The following GLIS1 variants were observed in gnomAD, a reference collection of about 807,000 sequenced individuals.
GLIS1 encodes the protein zinc finger protein GLIS1.
Under a neutral mutation model 63.8 loss-of-function variants are expected in GLIS1, and 24 were observed. The observed-to-expected ratio is 0.38, with a 90% CI of 0.27 to 0.53. The LOEUF (loss-of-function observed/expected upper bound fraction) is 0.53, where lower values mean the gene tolerates loss of function less well. Among genes scored for constraint, GLIS1 ranks in the 20% least tolerant of loss-of-function variants. GLIS1 has a pLI of 0.85. For synonymous variants in GLIS1, 450 were observed against 482.5 expected (o/e 0.93, Z 0.88); for missense variants, 1,036 against 1,074.1 (o/e 0.96, Z 0.50).
At chr1:53,717,506 A>C in intron 2 of GLIS1, among the ~76,000 whole-genome samples, 1 of 152,206 alleles carries the variant, frequency 6.6e-6, no homozygotes, top group Admixed American at 6.5e-5. Flanking sequence ...GGGGGTGCCC[A>C]GCATCTGAAC....
intron 6 of GLIS1, among the ~76,000 whole-genome samples, chr1:53,522,111 T>C (rs1644416339): frequency 6.6e-6 from 1 of 152,240 alleles, no homozygotes; most frequent in African/African-American, 2.4e-5. Context: ...ATTAAGTTTC[T>C]GGCAAAAGAG....
At chr1:53,612,112 G>A (rs180697682) in intron 2 of GLIS1, among the ~76,000 whole-genome samples, 1 of 152,338 alleles carries the variant, frequency 6.6e-6, no homozygotes, top group African/African-American at 2.4e-5. Flanking sequence ...GATTACAGGT[G>A]TAAACCATCA....
At chr1:53,696,145 C>T (rs963276056) in intron 2 of GLIS1, among the ~76,000 whole-genome samples, 40 of 152,256 alleles carry the variant, frequency 2.6e-4, no homozygotes, top group African/African-American at 9.6e-4. Context: ...GAGCTCCAAG[C>T]GGTTAATGCT....
chr1:53,511,392 G>T lies in GLIS1; in HGVS notation c.1884-1365C>A, dbSNP rs567949608. ...GGAAAGCAGATTTGGAGAGAGGCTG[G>T]GGTCTCCGCATCTGTGCTGTGCCAA... is the stretch of plus-strand genomic sequence containing the variant. On this transcript the variant is annotated intron_variant, in intron 8 of 10. Transcript: ENST00000628545. This position sits in a 1 kb window ranked among gnomAD's most constrained non-coding sequence, Gnocchi z 4.2. Among the ~76,000 whole-genome samples the T allele has an allele frequency of 4.6e-5, 7 of 152,270 alleles. No homozygotes were observed. The highest frequency in any genetic ancestry group is 1.0e-4 in the Non-Finnish European group (7 of 68,024).
At chr1:53,558,191 G>A (rs1644851953) in intron 4 of GLIS1, among the ~76,000 whole-genome samples, 1 of 152,210 alleles carries the variant, frequency 6.6e-6, no homozygotes, top group African/African-American at 2.4e-5. Flanking sequence ...ACGCAGGTGG[G>A]GTGGCTGCCA....
intron 2 of GLIS1, among the ~76,000 whole-genome samples, chr1:53,606,903 T>C (rs999452962): frequency 2.6e-5 from 4 of 152,180 alleles, no homozygotes; most frequent in Non-Finnish European, 5.9e-5. Flanking sequence ...CAGTGAAACC[T>C]GAGCAGGCTC....
At chr1:53,527,517 A>T (rs1644483209) in intron 5 of GLIS1, among the ~76,000 whole-genome samples, 1 of 152,174 alleles carries the variant, frequency 6.6e-6, no homozygotes, top group East Asian at 1.9e-4. Context: ...GGCTTTCCTC[A>T]GACCTCCAGG....
intron 4 of GLIS1, among the ~76,000 whole-genome samples, chr1:53,554,443 C>T (rs1162652246): frequency 1.3e-5 from 2 of 152,104 alleles, no homozygotes; most frequent in Non-Finnish European, 2.9e-5. Context: ...GCACAGTGCC[C>T]GGCTATTCAC....
rs111433898 is a variant in GLIS1, at chr1:53,521,553, A to G, written c.1594-787T>C. On this transcript the variant is annotated intron_variant, in intron 6 of 10. Transcript: ENST00000628545. ...CGCCTCACCCCAGGCTGCCATGAGG[A>G]GTAATGACACAGAGTGACGATGGCT... Among the ~76,000 whole-genome samples the G allele has an allele frequency of 5.5e-4, 83 of 152,274 alleles. 2 individuals carry two copies. The highest frequency in any genetic ancestry group is 1.9e-3 in the African/African-American group (77 of 41,548).
intron 2 of GLIS1, among the ~76,000 whole-genome samples, chr1:53,640,259 C>A (rs574734046): frequency 3.3e-5 from 5 of 152,192 alleles, no homozygotes; most frequent in Non-Finnish European, 7.3e-5. Context: ...GGAGGCTCCA[C>A]AAAGCCCCTT....
intron 2 of GLIS1, among the ~76,000 whole-genome samples, chr1:53,677,686 G>A (rs748628840): frequency 3.9e-5 from 6 of 152,244 alleles, no homozygotes; most frequent in East Asian, 3.9e-4. Context: ...GGACCCAGCC[G>A]CGGGCACCCG....
At position 53,511,095 on chromosome 1, in the gene GLIS1, A is replaced by G. The variant is rs564214860; in HGVS notation, c.1884-1068T>C. On this transcript the variant is annotated intron_variant, in intron 8 of 10. Transcript: ENST00000628545. This position sits in a 1 kb window ranked among gnomAD's most constrained non-coding sequence, Gnocchi z 4.2. ...TCACAGGGGCTAAAATGACTTTGGG[A>G]TCAATGGCTTGGGGGCTCTGGGGAC... Among the ~76,000 whole-genome samples the G allele has an allele frequency of 4.8e-4, 73 of 152,286 alleles. No individual in the cohort carries two copies. The highest frequency in any genetic ancestry group is 1.7e-3 in the African/African-American group (72 of 41,560).
rs566662942 is a variant in GLIS1, at chr1:53,682,620, G to T, written c.259+55186C>A. On this transcript the variant is annotated intron_variant, in intron 2 of 10. Coordinates refer to ENST00000628545, the MANE Select transcript of GLIS1 (RefSeq NM_001367484.1). ...TCCTGTCTGAACTGATTCTTCAGGG[G>T]CAATAACGCAGAGCCAAGGGGCAGG... Among the ~76,000 whole-genome samples, 8 of 152,358 alleles carry T rather than the reference G, an allele frequency of 5.3e-5. No individual in the cohort carries two copies. The South Asian group carries it at 6.2e-4, about 12-fold the overall frequency.
chr1:53,630,497 CTT>C lies in GLIS1; in HGVS notation c.260-30221_260-30220del, dbSNP rs5774154. ...TGACTGTGAGGGGACCAATTTCTTT[CTT>C]TTTTTTTTTTTTCTTTGACAGAGTC... is the stretch of plus-strand genomic sequence containing the variant. On this transcript the variant is annotated intron_variant, in intron 2 of 10. Coordinates refer to ENST00000628545, the MANE Select transcript of GLIS1 (RefSeq NM_001367484.1). Among the ~76,000 whole-genome samples the C allele has an allele frequency of 1.8e-3, 263 of 144,864 alleles. 2 individuals are homozygous for C. Among genetic ancestry groups the C allele is most frequent in the Middle Eastern group, 0.011 (3 of 280 alleles).
chr1:53,600,113 G>C lies in GLIS1; in HGVS notation c.425C>G (p.Pro142Arg). Residue 142 changes from proline (P) to arginine (R), a missense_variant, in exon 3 of 11, where the codon CCC (proline) becomes CGC (arginine). Pro to Arg is a moderately radical substitution (Grantham distance 103). Around this residue, in one of 3 missense-constraint regions of GLIS1, gnomAD observed 592 missense variants for 593.9 expected, o/e 1.00. Transcript: ENST00000628545. Reference protein sequence around the residue: ...PQACERLLHFPHPDRSPRPQA... With the variant: ...PQACERLLHFRHPDRSPRPQA... Reference sequence around the variant, plus strand: ...TGCCCACACCTACCTGTCAGGGTGGGGGAAATGCAGCAGCCTCTCACAAGC... The same window carrying C: ...TGCCCACACCTACCTGTCAGGGTGGCGGAAATGCAGCAGCCTCTCACAAGC... The C allele has an allele frequency of 1.6e-6, 2 of 1,230,816 alleles. No homozygotes were observed. Among genetic ancestry groups the C allele is most frequent in the Non-Finnish European group, 2.0e-6 (2 of 986,710 alleles). 76.2% of individuals were successfully genotyped at this position (1,230,816 alleles called of 1,614,324 possible). A position where few individuals can be genotyped will look rare whatever the true frequency, so the allele number is the denominator to read the frequency against.
chr1:53,627,802 C>A (rs1645611830), intron 2 of GLIS1, among the ~76,000 whole-genome samples: 1 of 152,114 alleles, frequency 6.6e-6, no homozygotes, highest in Admixed American at 6.5e-5. Flanking sequence ...GCATTATGTA[C>A]CTGTTGTGTG....
intron 4 of GLIS1, among the ~76,000 whole-genome samples, chr1:53,588,106 A>ATCGCCCAACAAGCGTC (rs1271272162): frequency 1.3e-5 from 2 of 152,162 alleles, no homozygotes; most frequent in Non-Finnish European, 2.9e-5. Flanking sequence ...TAAACTGAAA[A>ATCGCCCAACAAGCGTC]TCGCCCAACA....
intron 8 of GLIS1, among the ~76,000 whole-genome samples, chr1:53,510,750 C>T (rs569230516): frequency 2.4e-4 from 36 of 152,220 alleles, no homozygotes; most frequent in Admixed American, 8.5e-4. Flanking sequence ...ACTAGCAAGT[C>T]GGTCCCATGG....
intron 2 of GLIS1, among the ~76,000 whole-genome samples, chr1:53,702,039 C>T (rs895713824): frequency 1.3e-5 from 2 of 151,592 alleles, no homozygotes; most frequent in Non-Finnish European, 2.9e-5. Flanking sequence ...CCAGCTTCCT[C>T]CACAGTCAGC....
Sources: allele counts gnomAD v4.1 joint callset (sites outside exome capture counted in the v4.1 genomes callset), GRCh38; gene constraint gnomAD v4.1.1; regional missense constraint gnomAD v4.1.1; non-coding constraint Gnocchi (gnomAD v3.1); transcripts MANE v1.5; gene names NCBI Gene and HGNC (gene_info 2026-07-23, HGNC 2026-07-21).